The following SOX13 variants were observed in gnomAD, a reference collection of about 807,000 sequenced individuals.
The protein encoded by SOX13 is transcription factor SOX-13.
A neutral mutation model predicts 71.8 loss-of-function variants in SOX13; 28 were observed. That is an observed-to-expected ratio of 0.39 (90% CI 0.29 to 0.53). SOX13 has a LOEUF of 0.53. Among genes scored for constraint, SOX13 ranks in the 20% least tolerant of loss-of-function variants. SOX13 has a pLI of 0.70. For synonymous variants in SOX13, 309 were observed against 317.8 expected, an observed-to-expected ratio of 0.97 and a Z score of 0.29; for missense variants, 627 against 810.3, an observed-to-expected ratio of 0.77 and a Z score of 2.75.
At chr1:204,093,013 T>C (rs1656178197) in intron 1 of SOX13, among the ~76,000 whole-genome samples, 1 of 152,152 alleles carries the variant, frequency 6.6e-6, no homozygotes, top group African/African-American at 2.4e-5. Flanking sequence ...TATCCAGGTG[T>C]TGGCTATTTG....
chr1:204,116,249 C>T, intron 4 of SOX13: 1 of 1,445,686 alleles, frequency 6.9e-7, no homozygotes, highest in Non-Finnish European at 9.2e-7. Context: ...GCTGACATGT[C>T]CCACTGTCAG....
At chr1:204,105,237 G>T (rs1279510423) in intron 1 of SOX13, among the ~76,000 whole-genome samples, 2 of 152,184 alleles carry the variant, frequency 1.3e-5, no homozygotes, top group Non-Finnish European at 2.9e-5. Context: ...GATGGCTGGA[G>T]CCCTCTCCTT....
intron 1 of SOX13, among the ~76,000 whole-genome samples, chr1:204,098,181 A>T (rs952056518): frequency 2.6e-5 from 4 of 152,168 alleles, no homozygotes; most frequent in African/African-American, 9.7e-5. Flanking sequence ...TATGTTATTT[A>T]AAATTTTGCA....
chr1:204,125,845 C>T lies in SOX13; in HGVS notation c.1593-13C>T. On this transcript the variant is annotated splice_polypyrimidine_tract_variant and intron_variant, in intron 13 of 13. Transcript: ENST00000367204. Reference sequence around the variant, plus strand: ...GTGTGCATCCATCACCGTTCCCCTTCTCTGCCCCACAGCCCGCAGGCTGGC... The same window carrying T: ...GTGTGCATCCATCACCGTTCCCCTTTTCTGCCCCACAGCCCGCAGGCTGGC... The T allele has an allele frequency of 6.2e-7, 1 of 1,604,196 alleles. No individual in the cohort carries two copies. Among genetic ancestry groups the T allele is most frequent in the Non-Finnish European group, 8.5e-7 (1 of 1,177,142 alleles).
chr1:204,101,028 A>AT (rs1324723183), intron 1 of SOX13, among the ~76,000 whole-genome samples: 2 of 152,198 alleles, frequency 1.3e-5, no homozygotes, highest in African/African-American at 2.4e-5. Context: ...CAAGGTATAT[A>AT]TTTTTTCTGG....
At chr1:204,117,913 C>G in intron 7 of SOX13, 1 of 579,322 alleles carries the variant, frequency 1.7e-6, no homozygotes, top group Non-Finnish European at 3.1e-6. Context: ...AACCATAAAG[C>G]CCTTTCCAGA....
chr1:204,078,241 TC>T (rs1486740522), intron 1 of SOX13: 2 of 139,360 alleles, frequency 1.4e-5, no homozygotes, highest in African/African-American at 5.1e-5. Context: ...CTAGGCCTAT[TC>T]CACCAAGGGA....
chr1:204,082,789 G>T (rs1655935997), intron 1 of SOX13, among the ~76,000 whole-genome samples: 1 of 152,188 alleles, frequency 6.6e-6, no homozygotes, highest in African/African-American at 2.4e-5. Flanking sequence ...TCTTGACTTG[G>T]GTAGAGGTGG....
rs1014412331 is a variant in SOX13, at chr1:204,101,663, A to G, written c.-1-11252A>G. On this transcript the variant is annotated intron_variant, in intron 1 of 13. Transcript: ENST00000367204. ...CCAGGCATTGGGCTAAGTATTTTCT[A>G]TATAATAACTTATCAGTTCTCTAGC... 3.3e-5 allele frequency among the ~76,000 whole-genome samples: 5 copies of G among 152,252 alleles called. No individual in the cohort carries two copies. The East Asian group carries it at 5.8e-4, about 18-fold the overall frequency.
intron 5 of SOX13, 107 bp downstream of exon 5, chr1:204,116,786 G>A (rs745784176): frequency 8.8e-5 from 135 of 1,532,274 alleles, no homozygotes; most frequent in Non-Finnish European, 1.1e-4. Flanking sequence ...GCTGGGGCCT[G>A]GGGGCAGGCT....
intron 7 of SOX13, chr1:204,118,320 G>GT (rs1374218734): frequency 6.6e-6 from 1 of 151,822 alleles, no homozygotes; most frequent in East Asian, 1.9e-4. Flanking sequence ...TATTAACTGG[G>GT]TTTTACAAAT....
chr1:204,114,949 G>A (rs897208763), intron 4 of SOX13, among the ~76,000 whole-genome samples: 1 of 152,034 alleles, frequency 6.6e-6, no homozygotes, highest in African/African-American at 2.4e-5. Context: ...TTCTAGGTCA[G>A]TTGGACCTCA....
chr1:204,099,609 C>T (rs1429213432), intron 1 of SOX13, among the ~76,000 whole-genome samples: 1 of 151,734 alleles, frequency 6.6e-6, no homozygotes, highest in East Asian at 2.0e-4. Context: ...GATGGAGTTT[C>T]ATCATGTTGC....
chr1:204,110,468 T>A (rs779655514), intron 1 of SOX13, among the ~76,000 whole-genome samples: 4 of 151,958 alleles, frequency 2.6e-5, no homozygotes, highest in Non-Finnish European at 4.4e-5. Context: ...GCCTCTAGAT[T>A]ACTTATAATA....
At chr1:204,103,738 G>A (rs570484694) in intron 1 of SOX13, among the ~76,000 whole-genome samples, 2 of 152,322 alleles carry the variant, frequency 1.3e-5, no homozygotes, top group Non-Finnish European at 2.9e-5. Flanking sequence ...GCTTGGCCTT[G>A]CCATTGGGAA....
rs778856028 is a variant in SOX13 at position 204,126,088 on chromosome 1, A to T, written c.1823A>T (p.Glu608Val). 1 of 1,613,952 alleles carries T rather than the reference A, an allele frequency of 6.2e-7. No individual in the cohort carries two copies. Among genetic ancestry groups the T allele is most frequent in the South Asian group, 1.1e-5 (1 of 91,082 alleles). Reference sequence around the variant, plus strand: ...CGGTACAGCGAGGACGAGGACTCGGAGGGCGAAGAGAAGAGCGATGGGGAG... The same window carrying T: ...CGGTACAGCGAGGACGAGGACTCGGTGGGCGAAGAGAAGAGCGATGGGGAG... Reference protein sequence around the residue: ...MYRYSEDEDSEGEEKSDGELV... With the variant: ...MYRYSEDEDSVGEEKSDGELV... The change falls in exon 14 of 14, where the codon GAG becomes GTG. Residue 608 changes from glutamate (E) to valine (V), a missense_variant. Physicochemically the swap from Glu to Val is moderately radical, Grantham distance 121. Around this residue, in one of 3 missense-constraint regions of SOX13, gnomAD observed 148 missense variants for 192.7 expected, o/e 0.77. Transcript: ENST00000367204.
intron 4 of SOX13, 28 bp downstream of exon 4, chr1:204,114,633 T>G: frequency 1.3e-6 from 2 of 1,515,602 alleles, no homozygotes; most frequent in Non-Finnish European, 1.8e-6. Context: ...GTGGGGGAGA[T>G]GTTTGAACCC....
intron 1 of SOX13, among the ~76,000 whole-genome samples, chr1:204,105,989 G>C (rs1403627113): frequency 1.3e-5 from 2 of 152,154 alleles, no homozygotes; most frequent in Non-Finnish European, 1.5e-5. Context: ...TGGAGTTTGA[G>C]GTTACTGACC....
chr1:204,100,500 A>G (rs1313662003), intron 1 of SOX13, among the ~76,000 whole-genome samples: 5 of 152,162 alleles, frequency 3.3e-5, no homozygotes, highest in African/African-American at 9.7e-5. Flanking sequence ...GATGAGCATT[A>G]TAGTAGATTA....
Sources: allele counts gnomAD v4.1 joint callset (sites outside exome capture counted in the v4.1 genomes callset), GRCh38; gene constraint gnomAD v4.1.1; regional missense constraint gnomAD v4.1.1; transcripts MANE v1.5; gene names NCBI Gene and HGNC (gene_info 2026-07-23, HGNC 2026-07-21).